The following TMEM204 variants were observed in gnomAD, a reference collection of about 807,000 sequenced individuals.
The protein encoded by TMEM204 is transmembrane protein 204.
In TMEM204, 15 loss-of-function variants were observed where a neutral mutation model predicts 19.4. The observed-to-expected ratio is 0.77, with a 90% CI of 0.52 to 1.19. The LOEUF (loss-of-function observed/expected upper bound fraction) is 1.19. Among genes scored for constraint, TMEM204 ranks in the 50% most tolerant of loss-of-function variants. The pLI, the probability that TMEM204 is intolerant of heterozygous loss-of-function variation, is 0.00. For synonymous variants in TMEM204, 161 were observed against 146.0 expected, an observed-to-expected ratio of 1.10 and a Z score of -0.74; for missense variants, 287 against 321.2, an observed-to-expected ratio of 0.89 and a Z score of 0.81.
upstream of TMEM204, chr16:1,531,351 G>A (rs968971739): frequency 1.3e-5 from 2 of 152,200 alleles, no homozygotes; most frequent in African/African-American, 4.8e-5. The surrounding 1 kb of genome is among the most constrained non-coding windows in gnomAD (Gnocchi z 4.7). Context: ...ACCACTCTGT[G>A]TCAGGATGAG....
intron 2 of TMEM204, among the ~76,000 whole-genome samples, chr16:1,548,732 T>C (rs912389969): frequency 8.6e-5 from 13 of 151,904 alleles, no homozygotes; most frequent in African/African-American, 2.9e-4. Flanking sequence ...GTAGGGAAGG[T>C]GGGAAGGACA....
chr16:1,549,508 C>T (rs1196696684), intron 2 of TMEM204, among the ~76,000 whole-genome samples: 1 of 152,184 alleles, frequency 6.6e-6, no homozygotes, highest in African/African-American at 2.4e-5. Context: ...GGCTCACCGC[C>T]GCAAGCTCTG....
intron 1 of TMEM204, 136 bp from the exon 2 acceptor site, chr16:1,541,785 C>A: frequency 9.3e-7 from 1 of 1,076,514 alleles, no homozygotes; most frequent in Non-Finnish European, 1.3e-6. Flanking sequence ...TTCCCGAAGC[C>A]ACTGCCCAAT....
intron 2 of TMEM204, among the ~76,000 whole-genome samples, chr16:1,546,247 A>G (rs2032161745): frequency 1.3e-5 from 2 of 152,218 alleles, no homozygotes; most frequent in African/African-American, 4.8e-5. Context: ...TGAGTGGCAC[A>G]AGGCTGAGGG....
At chr16:1,542,219 C>A in intron 2 of TMEM204, 143 bp downstream of exon 2, 1 of 891,796 alleles carries the variant, frequency 1.1e-6, no homozygotes, top group Non-Finnish European at 1.6e-6. Flanking sequence ...CTGAGAAGCC[C>A]CATGGGGCAT....
intron 2 of TMEM204, among the ~76,000 whole-genome samples, chr16:1,550,034 C>A (rs541307568): frequency 1.3e-5 from 2 of 152,194 alleles, no homozygotes; most frequent in Middle Eastern, 6.8e-3. Context: ...CGGCTTACTG[C>A]AGACTCGACC....
At position 1,534,560 on chromosome 16, in the gene TMEM204, G is replaced by A; in HGVS notation, c.280+5G>A. On this transcript the variant is annotated splice_donor_5th_base_variant and intron_variant, in intron 1 of 2. Transcript: ENST00000566264. ...AGTCCCGAGGCACCGTCAAACGTAAGTCCAATTGTTTTCCTGATGCCTTCA... is the reference window on the plus strand; with the variant it reads ...AGTCCCGAGGCACCGTCAAACGTAAATCCAATTGTTTTCCTGATGCCTTCA... 6.2e-7 allele frequency: 1 copy of A among 1,601,460 alleles called. No homozygotes were observed. Among genetic ancestry groups the A allele is most frequent in the Non-Finnish European group, 8.5e-7 (1 of 1,179,564 alleles).
chr16:1,541,294 G>T, intron 1 of TMEM204: 4 of 985,362 alleles, frequency 4.1e-6, no homozygotes, highest in Non-Finnish European at 4.8e-6. Context: ...GGGGCAGGTG[G>T]GGGGCACTGG....
intron 2 of TMEM204, among the ~76,000 whole-genome samples, chr16:1,554,563 T>C (rs533836876): frequency 6.6e-6 from 1 of 152,234 alleles, no homozygotes; most frequent in South Asian, 2.1e-4. Context: ...GAAGGGCTAA[T>C]ACAAGGTGGC....
At position 1,539,377 on chromosome 16, in the gene TMEM204, C is replaced by T. The variant is rs1161961234; in HGVS notation, c.281-2544C>T. ...ACGCCTTAGGCCTCAGCAAGTTGCA[C>T]GGTGCCAGGCTGAGGTCAAGCACAT... On this transcript the variant is annotated intron_variant, in intron 1 of 2. Transcript: ENST00000566264. Among the ~76,000 whole-genome samples the T allele has an allele frequency of 5.9e-5, 9 of 152,266 alleles. No individual in the cohort carries two copies. The East Asian group carries it at 9.6e-4, about 16-fold the overall frequency.
chr16:1,533,607 C>G (rs375433528), upstream of TMEM204: 1 of 152,294 alleles, frequency 6.6e-6, no homozygotes, highest in Non-Finnish European at 1.5e-5. This position sits in a 1 kb window ranked among gnomAD's most constrained non-coding sequence, Gnocchi z 4.7. Flanking sequence ...GCGGCAGGGC[C>G]GCTATTTGTT....
At position 1,553,313 on chromosome 16, in the gene TMEM204, TCTGTGTCTCTGTCC is replaced by T. The variant is rs1471027130; in HGVS notation, c.437-1458_437-1445del. The T allele has an allele frequency of 1.2e-5, 12 of 984,762 alleles. No homozygotes were observed. Among genetic ancestry groups the T allele is most frequent in the African/African-American group, 1.0e-4 (6 of 57,206 alleles). 61.0% of individuals were successfully genotyped at this position (984,762 alleles called of 1,614,324 possible). Reference sequence around the variant, plus strand: ...CTGCCTGTCTCTCTGTGTCTCTGTCTCTGTGTCTCTGTCCCTGTGTCTCTTTTTCTCCCATCCTC... The same window carrying T: ...CTGCCTGTCTCTCTGTGTCTCTGTCTCTGTGTCTCTTTTTCTCCCATCCTC... On this transcript the variant is annotated intron_variant, in intron 2 of 2. Coordinates refer to ENST00000566264, the MANE Select transcript of TMEM204 (RefSeq NM_024600.6). This position sits in a 1 kb window ranked among gnomAD's most constrained non-coding sequence, Gnocchi z 4.4.
At chr16:1,530,299 A>T (rs2030328114), upstream of TMEM204, among the ~76,000 whole-genome samples, 1 of 151,638 alleles carries the variant, frequency 6.6e-6, no homozygotes, top group Non-Finnish European at 1.5e-5. Flanking sequence ...CACCCAGCTA[A>T]TTTTTGTATT....
At position 1,553,291 on chromosome 16, in the gene TMEM204, C is replaced by A. The variant is rs1314260492; in HGVS notation, c.437-1491C>A. The A allele has an allele frequency of 8.2e-6, 8 of 981,268 alleles. No homozygotes were observed. The East Asian group carries it at 8.0e-4, about 98-fold the overall frequency. 60.8% of individuals were successfully genotyped at this position (981,268 alleles called of 1,614,324 possible). A position where few individuals can be genotyped will look rare whatever the true frequency, so the allele number is the denominator to read the frequency against. ...TGGTCTCTGTCTCTCTGTGTCTCTG[C>A]CTGTCTCTCTGTGTCTCTGTCTCTG... On this transcript the variant is annotated intron_variant, in intron 2 of 2. Transcript: ENST00000566264. The surrounding 1 kb of genome is among the most constrained non-coding windows in gnomAD (Gnocchi z 4.4).
chr16:1,544,891 G>A (rs913893826), intron 2 of TMEM204, among the ~76,000 whole-genome samples: 11 of 151,844 alleles, frequency 7.2e-5, no homozygotes, highest in South Asian at 4.2e-4. Flanking sequence ...CTTGTGATCC[G>A]CCCGCCTCGG....
intron 2 of TMEM204, among the ~76,000 whole-genome samples, chr16:1,546,268 A>G (rs1431583094): frequency 1.3e-5 from 2 of 152,224 alleles, no homozygotes; most frequent in African/African-American, 2.4e-5. Context: ...CGACTTCTGC[A>G]GGCAGCCTAG....
At position 1,544,121 on chromosome 16, in the gene TMEM204, G is replaced by A. The variant is rs571353199; in HGVS notation, c.436+2045G>A. 4.7e-5 allele frequency among the ~76,000 whole-genome samples: 7 copies of A among 147,876 alleles called. No homozygotes were observed. The East Asian group carries it at 1.4e-3, about 30-fold the overall frequency. On this transcript the variant is annotated intron_variant, in intron 2 of 2. Transcript: ENST00000566264. ...CAACCTCTGCCTCCTGGGTTCAAGC[G>A]ATTCTCCTGCCTCAGCCTCCCGTGT... is the stretch of plus-strand genomic sequence containing the variant.
At position 1,554,838 on chromosome 16, in the gene TMEM204, C is replaced by T; in HGVS notation, c.493C>T (p.Leu165=). 6.2e-7 allele frequency: 1 copy of T among 1,614,252 alleles called. No homozygotes were observed. The highest frequency in any genetic ancestry group is 8.5e-7 in the Non-Finnish European group (1 of 1,180,052). ...CTACAGAATTGGCCCATACACCAAC[C>T]TGTCCTGGTCCTGCTACCTGAACAT... ...TFYRIGPYTN[L]SWSCYLNIGA... The change falls in exon 3 of 3, where the codon CTG becomes TTG. Residue 165 remains leucine (L), a synonymous_variant. Transcript: ENST00000566264.
In TMEM204 at chr16:1,542,091, G is replaced by A. The variant is rs775192750; in HGVS notation, c.436+15G>A. On this transcript the variant is annotated intron_variant, in intron 2 of 2. Coordinates refer to ENST00000566264, the MANE Select transcript of TMEM204 (RefSeq NM_024600.6). ...CCAACTGGCGAGTAAGTACCTGGGC[G>A]GGTGTGGCCACCGCGCCCTTGCCCC... 6.2e-5 allele frequency: 98 copies of A among 1,586,870 alleles called. No homozygotes were observed. Among genetic ancestry groups the A allele is most frequent in the African/African-American group, 3.6e-4 (27 of 74,438 alleles).
Sources: gnomAD v4.1 joint callset for allele counts (sites outside exome capture counted in the v4.1 genomes callset) on GRCh38, gnomAD v4.1.1 for gene constraint, Gnocchi (gnomAD v3.1) non-coding constraint, MANE v1.5 for transcripts, NCBI Gene and HGNC (gene_info 2026-07-23, HGNC 2026-07-21) for gene names.